Variants in HYDIN observed in about 807,000 individuals in gnomAD.
The protein encoded by HYDIN is HYDIN axonemal central pair apparatus protein, also known as axonemal central pair apparatus protein HYDIN.
A neutral mutation model predicts 403.9 loss-of-function variants in HYDIN; 132 were observed. That is an observed-to-expected ratio of 0.33 (90% CI 0.28 to 0.38). The LOEUF (loss-of-function observed/expected upper bound fraction) is 0.38. Ranked by LOEUF, HYDIN falls within the 10% of genes least tolerant of loss-of-function variation. The probability of loss-of-function intolerance (pLI) is 1.00; values close to 1 mark genes in which losing one functional copy is unlikely to be tolerated. For missense variants in HYDIN, 2,827 were observed against 5,009.5 expected (o/e 0.56, Z 13.15); for synonymous variants, 1,202 against 1,891.7 (o/e 0.64, Z 9.46).
rs908979193 is a variant in HYDIN at position 71,064,811 on chromosome 16, T to C, written c.2105A>G (p.Asn702Ser). 1 of 1,611,596 alleles carries C rather than the reference T, an allele frequency of 6.2e-7. No individual in the cohort carries two copies. The highest frequency in any genetic ancestry group is 8.5e-7 in the Non-Finnish European group (1 of 1,178,684). Residue 702 changes from asparagine to serine, a missense_variant, in exon 16 of 86, where the codon AAT becomes AGT. Physicochemically the swap from Asn to Ser is conservative, Grantham distance 46. Transcript: ENST00000393567. ...GCAGTGCCCAAAGTCCACCTCTGTATTGACCAGGTGGAGGGCAGGTACAAC... is the reference window on the plus strand; with the variant it reads ...GCAGTGCCCAAAGTCCACCTCTGTACTGACCAGGTGGAGGGCAGGTACAAC... ...RCVVPALHLV[N>S]TEVDFGHCFL...
chr16:71,214,532 G>A (rs899752620), intron 1 of HYDIN, among the ~76,000 whole-genome samples: 2 of 152,140 alleles, frequency 1.3e-5, no homozygotes, highest in African/African-American at 2.4e-5. Context: ...TTCCCACAGT[G>A]TAAGTTGGAA....
At chr16:70,880,246 A>G (rs2040703738) in intron 60 of HYDIN, among the ~76,000 whole-genome samples, 1 of 133,198 alleles carries the variant, frequency 7.5e-6, no homozygotes, top group Non-Finnish European at 1.6e-5. Flanking sequence ...TTTTGTACAT[A>G]TGGGGTTTCA....
In HYDIN at chr16:70,813,060, C is replaced by T. The variant is rs1222910618; in HGVS notation, c.14659-3053G>A. Among the ~76,000 whole-genome samples, 28 of 151,402 alleles carry T rather than the reference C, an allele frequency of 1.8e-4. No homozygotes were observed. In the South Asian group the frequency reaches 5.6e-3, roughly 31 times the overall value. On this transcript the variant is annotated intron_variant, in intron 84 of 85. Transcript: ENST00000393567. ...CTCTGCTTCCCAGGTTCAAGCAATT[C>T]ACTTGCCTCACCCTCCTGAGTAGCT...
intron 53 of HYDIN, 25 bp downstream of exon 53, chr16:70,900,979 A>C (rs369331282): frequency 1.5e-4 from 84 of 559,800 alleles, no homozygotes; most frequent in Non-Finnish European, 2.5e-4. Context: ...TTGATAACCA[A>C]GTCTGTGGAT....
intron 18 of HYDIN, among the ~76,000 whole-genome samples, chr16:71,051,533 C>T (rs2081638493): frequency 6.6e-6 from 1 of 151,784 alleles, no homozygotes; most frequent in Non-Finnish European, 1.5e-5. Flanking sequence ...GTAGTCCCAG[C>T]TACTAGGGAG....
At chr16:70,830,477 A>G (rs1597064286) in intron 80 of HYDIN, among the ~76,000 whole-genome samples, 1 of 137,314 alleles carries the variant, frequency 7.3e-6, no homozygotes, top group Admixed American at 7.1e-5. Flanking sequence ...TTGAAAAAGG[A>G]GGACTTACGA....
At chr16:71,035,687 A>T (rs2081062313) in intron 18 of HYDIN, among the ~76,000 whole-genome samples, 1 of 152,070 alleles carries the variant, frequency 6.6e-6, no homozygotes, top group African/African-American at 2.4e-5. Context: ...CCTGATGCTC[A>T]ATGGCTTTAT....
chr16:70,982,149 AAAAG>A (rs1385572134), intron 28 of HYDIN, among the ~76,000 whole-genome samples: 2 of 151,768 alleles, frequency 1.3e-5, no homozygotes, highest in African/African-American at 4.8e-5. Flanking sequence ...AAAGAAAAAA[AAAAG>A]AAAAATCGTT....
chr16:71,214,566 T>A (rs1180887766), intron 1 of HYDIN, among the ~76,000 whole-genome samples: 1 of 152,192 alleles, frequency 6.6e-6, no homozygotes, highest in Admixed American at 6.5e-5. Flanking sequence ...TGCACTGCAT[T>A]ATTTCACTTT....
At chr16:71,180,492 AT>A (rs1227602910) in intron 3 of HYDIN, among the ~76,000 whole-genome samples, 1 of 152,140 alleles carries the variant, frequency 6.6e-6, no homozygotes, top group Admixed American at 6.5e-5. Context: ...AAACAAAAAA[AT>A]GAAATGTTTC....
chr16:71,222,063 T>C (rs1450893460), intron 1 of HYDIN, among the ~76,000 whole-genome samples: 1 of 152,218 alleles, frequency 6.6e-6, no homozygotes, highest in Non-Finnish European at 1.5e-5. Flanking sequence ...TTCTACCACA[T>C]GGCTCCACTG....
chr16:70,946,830 A>G (rs550854726), intron 41 of HYDIN, among the ~76,000 whole-genome samples: 25 of 152,322 alleles, frequency 1.6e-4, no homozygotes, highest in African/African-American at 5.5e-4. Flanking sequence ...TTGAGAAGCA[A>G]GAGTGTTGGA....
intron 29 of HYDIN, among the ~76,000 whole-genome samples, chr16:70,980,844 C>T (rs1229142143): frequency 1.3e-5 from 2 of 152,176 alleles, no homozygotes; most frequent in African/African-American, 4.8e-5. Context: ...TCTGCCAAGA[C>T]AGAAATATTC....
chr16:71,046,710 GA>G (rs2144216273), intron 18 of HYDIN, among the ~76,000 whole-genome samples: 1 of 152,310 alleles, frequency 6.6e-6, no homozygotes, highest in South Asian at 2.1e-4. Flanking sequence ...AATCTAGATG[GA>G]TGTGTGTAGG....
intron 1 of HYDIN, among the ~76,000 whole-genome samples, chr16:71,189,898 T>A (rs897896754): frequency 2.0e-5 from 3 of 152,108 alleles, no homozygotes; most frequent in Admixed American, 1.3e-4. Flanking sequence ...ATATTAGTAA[T>A]AATATTTTTA....
chr16:71,143,633 C>A (rs2085253950), intron 7 of HYDIN, among the ~76,000 whole-genome samples: 1 of 152,158 alleles, frequency 6.6e-6, no homozygotes, highest in African/African-American at 2.4e-5. Flanking sequence ...GTTATAACAG[C>A]ACACATTTAT....
chr16:70,849,449 G>A lies in HYDIN; in HGVS notation c.12873+277C>T, dbSNP rs6499342. ...CATTCAATAATCCATCTTAGAAAACGTTGTACATATTCTTTCCCTGCCCCA... is the reference window on the plus strand; with the variant it reads ...CATTCAATAATCCATCTTAGAAAACATTGTACATATTCTTTCCCTGCCCCA... On this transcript the variant is annotated intron_variant, in intron 75 of 85. Coordinates refer to ENST00000393567, the MANE Select transcript of HYDIN (RefSeq NM_001270974.2). Among the ~76,000 whole-genome samples the A allele has an allele frequency of 6.6e-5, 10 of 151,508 alleles. 1 individual carries two copies. The South Asian group carries it at 1.7e-3, about 25-fold the overall frequency.
intron 9 of HYDIN, among the ~76,000 whole-genome samples, chr16:71,120,202 G>T (rs1218198226): frequency 6.7e-6 from 1 of 148,894 alleles, no homozygotes; most frequent in African/African-American, 2.5e-5. Context: ...TTGTTGAAAA[G>T]AATTGTCAAA....
intron 44 of HYDIN, 124 bp downstream of exon 44, chr16:70,938,490 A>G (rs2077566168): frequency 8.1e-6 from 6 of 736,662 alleles, no homozygotes; most frequent in Non-Finnish European, 1.4e-5. Context: ...GTCACCTTCC[A>G]GGGCCTTCTG....
Sources: allele counts gnomAD v4.1 joint callset (sites outside exome capture counted in the v4.1 genomes callset), GRCh38; gene constraint gnomAD v4.1.1; transcripts MANE v1.5; gene names NCBI Gene and HGNC (gene_info 2026-07-23, HGNC 2026-07-21).